The following GSTCD variants were observed in gnomAD, a reference collection of about 807,000 sequenced individuals.
GSTCD encodes the protein glutathione S-transferase C-terminal domain-containing protein.
GSTCD carries 44 observed loss-of-function variants against 68.3 expected under a neutral mutation model. That is an observed-to-expected ratio of 0.64 (90% confidence interval 0.51 to 0.83). The LOEUF (loss-of-function observed/expected upper bound fraction) is 0.83, where lower values mean the gene tolerates loss of function less well. Ranked by LOEUF, GSTCD falls within the 40% of genes least tolerant of loss-of-function variation. The probability of loss-of-function intolerance (pLI) is 0.00; values close to 1 mark genes in which losing one functional copy is unlikely to be tolerated. For missense variants in GSTCD, 739 were observed against 735.9 expected (o/e 1.00, Z -0.05); for synonymous variants, 273 against 255.2 (o/e 1.07, Z -0.67).
intron 5 of GSTCD, among the ~76,000 whole-genome samples, chr4:105,741,422 T>C (rs997085666): frequency 1.3e-5 from 2 of 152,224 alleles, no homozygotes; most frequent in African/African-American, 2.4e-5. Flanking sequence ...AATTGAATTT[T>C]GGCTGTATAC....
chr4:105,805,780 T>G (rs1286194214), intron 5 of GSTCD, among the ~76,000 whole-genome samples: 1 of 152,100 alleles, frequency 6.6e-6, no homozygotes, highest in Non-Finnish European at 1.5e-5. Context: ...ATATGAGAAT[T>G]TATAAATTAC....
At chr4:105,772,480 A>C (rs1377072101) in intron 5 of GSTCD, among the ~76,000 whole-genome samples, 1 of 152,006 alleles carries the variant, frequency 6.6e-6, no homozygotes, top group African/African-American at 2.4e-5. Flanking sequence ...TCAGTACTAT[A>C]TTGGCTGTGG....
chr4:105,821,858 AT>A (rs577611113), intron 5 of GSTCD, among the ~76,000 whole-genome samples: 48 of 151,944 alleles, frequency 3.2e-4, no homozygotes, highest in Admixed American at 6.6e-4. Flanking sequence ...GATGCTATAA[AT>A]TTTTTTATAT....
At chr4:105,806,550 A>G (rs1304343084) in intron 5 of GSTCD, among the ~76,000 whole-genome samples, 4 of 152,098 alleles carry the variant, frequency 2.6e-5, no homozygotes, top group Non-Finnish European at 5.9e-5. Context: ...GTTTTTGCCT[A>G]TAAAATAACT....
At chr4:105,720,182 A>G (rs150643578) in intron 3 of GSTCD, among the ~76,000 whole-genome samples, 240 of 152,296 alleles carry the variant, frequency 1.6e-3, no homozygotes, top group South Asian at 5.4e-3. Context: ...TCTTACATAC[A>G]CACACTCACA....
In GSTCD at chr4:105,737,759, A is replaced by C. The variant is rs148340674; in HGVS notation, c.1240+8260A>C. On this transcript the variant is annotated intron_variant, in intron 5 of 11. Coordinates refer to ENST00000515279, the MANE Select transcript of GSTCD (RefSeq NM_001370181.1). ...GTGAATGTCCTTGACACTTCTGTAAAAACATGAGTTGGCTATAAATGAGTG... is the reference window on the plus strand; with the variant it reads ...GTGAATGTCCTTGACACTTCTGTAACAACATGAGTTGGCTATAAATGAGTG... Among the ~76,000 whole-genome samples the C allele has an allele frequency of 2.4e-3, 370 of 152,316 alleles. 2 individuals are homozygous for C. The highest frequency in any genetic ancestry group is 8.6e-3 in the African/African-American group (359 of 41,562).
At chr4:105,835,176 T>C (rs1724061538) in intron 9 of GSTCD, among the ~76,000 whole-genome samples, 1 of 152,206 alleles carries the variant, frequency 6.6e-6, no homozygotes, top group African/African-American at 2.4e-5. Context: ...CACAGGATCC[T>C]TGGGGCGTCG....
Position 105,845,611 on chromosome 4 carries a change from G to A in GSTCD, c.*34G>A, listed in dbSNP as rs781698183. ...ATTCACATTTGATATTTTGCCATCC[G>A]TCTTCACGTTGGATGCCCAGTGGCA... On this transcript the variant is annotated 3_prime_UTR_variant, in exon 12 of 12. Transcript: ENST00000515279. 26 of 1,610,500 alleles carry A rather than the reference G, an allele frequency of 1.6e-5. No homozygotes were observed. Among genetic ancestry groups the A allele is most frequent in the African/African-American group, 5.3e-5 (4 of 74,864 alleles).
Position 105,845,410 on chromosome 4 carries a change from T to G in GSTCD, c.1766-31T>G, listed in dbSNP as rs532517596. 3 of 1,613,190 alleles carry G rather than the reference T, an allele frequency of 1.9e-6. No homozygotes were observed. In the East Asian group the frequency reaches 6.7e-5, roughly 36 times the overall value. On this transcript the variant is annotated intron_variant, in intron 11 of 11. Transcript: ENST00000515279. ...TGAAACTGTCCTGCTAGTGAAAGGG[T>G]GTCTCATGATACCATTTGACTGTGT...
chr4:105,727,073 G>T (rs1733062507), intron 4 of GSTCD, among the ~76,000 whole-genome samples: 1 of 144,684 alleles, frequency 6.9e-6, no homozygotes. Flanking sequence ...CTTTTAAAAA[G>T]CCCTTTTCTC....
chr4:105,783,201 T>C (rs1306510386), intron 5 of GSTCD, among the ~76,000 whole-genome samples: 1 of 152,236 alleles, frequency 6.6e-6, no homozygotes, highest in East Asian at 1.9e-4. Context: ...GAACTTTTTC[T>C]GTTTACCCTT....
intron 5 of GSTCD, among the ~76,000 whole-genome samples, chr4:105,743,171 C>T (rs542374258): frequency 1.0e-3 from 159 of 152,064 alleles, no homozygotes; most frequent in Non-Finnish European, 1.6e-3. Flanking sequence ...AGGATGGTCT[C>T]GATCTCCTGA....
At chr4:105,730,937 T>A (rs1160497224) in intron 5 of GSTCD, among the ~76,000 whole-genome samples, 2 of 152,200 alleles carry the variant, frequency 1.3e-5, no homozygotes, top group Non-Finnish European at 2.9e-5. Context: ...AAGGAAGGGA[T>A]CGAGTTTCAG....
chr4:105,835,208 TG>T (rs1437888125), intron 9 of GSTCD, among the ~76,000 whole-genome samples: 1 of 151,468 alleles, frequency 6.6e-6, no homozygotes, highest in Non-Finnish European at 1.5e-5. Flanking sequence ...GGATCCTCTG[TG>T]GTTGGTGGAG....
intron 5 of GSTCD, among the ~76,000 whole-genome samples, chr4:105,781,411 CT>C (rs35271170): frequency 2.4e-3 from 340 of 141,266 alleles, no homozygotes; most frequent in Middle Eastern, 3.5e-3. Flanking sequence ...TCATGCTCAG[CT>C]TTTTTTTTTT....
intron 11 of GSTCD, 100 bp downstream of exon 11, chr4:105,842,234 C>A (rs1349587721): frequency 3.5e-6 from 3 of 850,732 alleles, no homozygotes; most frequent in African/African-American, 3.4e-5. Flanking sequence ...AACATGAAGT[C>A]TATTTTTCAA....
At chr4:105,818,706 A>G (rs986427427) in intron 5 of GSTCD, among the ~76,000 whole-genome samples, 4 of 151,806 alleles carry the variant, frequency 2.6e-5, no homozygotes, top group Non-Finnish European at 5.9e-5. Context: ...ACAACGAGAC[A>G]GAATGTGGTG....
intron 5 of GSTCD, among the ~76,000 whole-genome samples, chr4:105,769,387 T>A (rs149661858): frequency 6.6e-6 from 1 of 152,184 alleles, no homozygotes; most frequent in East Asian, 1.9e-4. Flanking sequence ...TAGTAAACCA[T>A]GGATAAAATT....
At chr4:105,764,847 A>G (rs1161169449) in intron 5 of GSTCD, among the ~76,000 whole-genome samples, 1 of 152,064 alleles carries the variant, frequency 6.6e-6, no homozygotes, top group East Asian at 1.9e-4. Flanking sequence ...TTTATTTTTT[A>G]TGTTCAACAA....
Sources: gnomAD v4.1 joint callset for allele counts (sites outside exome capture counted in the v4.1 genomes callset) on GRCh38, gnomAD v4.1.1 for gene constraint, MANE v1.5 for transcripts, NCBI Gene and HGNC (gene_info 2026-07-23, HGNC 2026-07-21) for gene names.